The following HNRNPA3 variants were observed in gnomAD, a reference collection of about 807,000 sequenced individuals.
HNRNPA3 encodes the protein heterogeneous nuclear ribonucleoprotein A3, also known as epididymis secretory sperm binding protein.
Under a neutral mutation model 45.8 loss-of-function variants are expected in HNRNPA3, and 3 were observed. The ratio of observed to expected loss-of-function variants is 0.07; its 90% CI spans 0.03 to 0.17. The LOEUF (loss-of-function observed/expected upper bound fraction) is 0.17, where lower values mean the gene tolerates loss of function less well. Among genes scored for constraint, HNRNPA3 ranks in the 10% least tolerant of loss-of-function variants. The pLI is 1.00. For missense variants in HNRNPA3, 183 were observed against 480.3 expected (o/e 0.38, Z 5.79); for synonymous variants, 170 against 155.6 (o/e 1.09, Z -0.69).
At chr2:177,218,527 A>G (rs1242987687) in intron 8 of HNRNPA3, among the ~76,000 whole-genome samples, 1 of 152,210 alleles carries the variant, frequency 6.6e-6, no homozygotes, top group Non-Finnish European at 1.5e-5. Context: ...AATACTCCAG[A>G]CGTGTTGAAG....
rs1688893707 is a variant in HNRNPA3 at position 177,215,467 on chromosome 2, C to T, written c.73-72C>T. On this transcript the variant is annotated intron_variant, in intron 1 of 10. Coordinates refer to ENST00000392524, the Ensembl canonical transcript of HNRNPA3. The stretch of plus-strand genomic sequence containing the variant: ...GATGTTGATTTTATTACTTACCGTA[C>T]ATTAAAGGCTCTTCGTGCATCTTAA... The T allele has an allele frequency of 7.7e-6, 11 of 1,429,974 alleles. No individual in the cohort carries two copies. In the South Asian group the frequency reaches 9.4e-5, roughly 12 times the overall value. The allele number at this position is 1,429,974 out of a possible 1,614,324, so 88.6% of individuals were successfully genotyped here. A position where few individuals can be genotyped will look rare whatever the true frequency, so the allele number is the denominator to read the frequency against.
intron 1 of HNRNPA3, among the ~76,000 whole-genome samples, chr2:177,214,230 T>C (rs561587315): frequency 5.9e-5 from 9 of 152,276 alleles, no homozygotes; most frequent in South Asian, 2.1e-4. Context: ...TCCGTTCTTA[T>C]AGTCAGACAA....
In HNRNPA3 at chr2:177,216,028, T is replaced by C. The variant is rs750150123; in HGVS notation, c.393T>C (p.Gly131=). The C allele has an allele frequency of 1.9e-6, 3 of 1,594,178 alleles. No homozygotes were observed. The East Asian group carries it at 6.7e-5, about 36-fold the overall frequency. ...TAACAGTGAAGAAAATTTTTGTTGG[T>C]GGTATTAAAGAAGATACAGAAGAAT... Residue 131 remains glycine, a synonymous_variant, in exon 4 of 11, where the codon GGT becomes GGC. Coordinates refer to ENST00000392524, the Ensembl canonical transcript of HNRNPA3.
chr2:177,218,052 C>CTTTTTTTTTTTT lies in HNRNPA3; in HGVS notation c.961+223_961+234dup, dbSNP rs58476089. ...ACAAATGTACTCAGCTCTCTTTTTT[C>CTTTTTTTTTTTT]TTTTTTTTTTTTTTTTTTTTTTTTT... On this transcript the variant is annotated intron_variant, in intron 8 of 10. Transcript: ENST00000392524. 7.5e-4 allele frequency among the ~76,000 whole-genome samples: 77 copies of CTTTTTTTTTTTT among 102,178 alleles called. 6 individuals are homozygous for CTTTTTTTTTTTT. Among genetic ancestry groups the CTTTTTTTTTTTT allele is most frequent in the African/African-American group, 1.8e-3 (44 of 25,050 alleles). The allele number at this position is 102,178 out of a possible 152,430, so 67.0% of individuals were successfully genotyped here.
Position 177,216,612 on chromosome 2 carries a change from T to TCACAGAGAGGTGA in HNRNPA3, c.643+20_643+21insCACAGAGAGGTGA. 6.2e-7 allele frequency: 1 copy of TCACAGAGAGGTGA among 1,611,620 alleles called. No homozygotes were observed. Among genetic ancestry groups the TCACAGAGAGGTGA allele is most frequent in the Non-Finnish European group, 8.5e-7 (1 of 1,177,724 alleles). ...AGAGAGGTGAGTAGGACCATACACA[T>TCACAGAGAGGTGA]GTATACAGTGGATATGAGTGGTGTT... On this transcript the variant is annotated intron_variant, in intron 5 of 10. Coordinates refer to ENST00000392524, the Ensembl canonical transcript of HNRNPA3.
At chr2:177,221,588 C>T (rs929635445), downstream of HNRNPA3, 2 of 152,612 alleles carry the variant, frequency 1.3e-5, no homozygotes, top group African/African-American at 4.8e-5. Flanking sequence ...ATTAGCTTAG[C>T]TCTTGTGAAC....
At chr2:177,213,906 T>C (rs1270696980) in intron 1 of HNRNPA3, among the ~76,000 whole-genome samples, 1 of 152,272 alleles carries the variant, frequency 6.6e-6, no homozygotes, top group East Asian at 1.9e-4. Flanking sequence ...GATTTCGTTA[T>C]TGTCAATCGA....
chr2:177,216,279 G>C, intron 4 of HNRNPA3, 91 bp downstream of exon 4: 2 of 876,072 alleles, frequency 2.3e-6, no homozygotes, highest in Non-Finnish European at 1.8e-6. Context: ...TTTCTGTTGC[G>C]TGTAATGGCA....
At chr2:177,215,431 C>T in intron 1 of HNRNPA3, 108 bp from the exon 2 acceptor site, 1 of 1,151,408 alleles carries the variant, frequency 8.7e-7, no homozygotes, top group Non-Finnish European at 1.3e-6. Flanking sequence ...TGTTAACTGT[C>T]ACAGGAATTT....
intron 2 of HNRNPA3, 23 bp from the exon 3 acceptor site, chr2:177,215,727 T>G: frequency 6.4e-7 from 1 of 1,574,058 alleles, no homozygotes; most frequent in Non-Finnish European, 8.6e-7. Context: ...GTTTTCAACG[T>G]TATAAAACTT....
intron 4 of HNRNPA3, 55 bp downstream of exon 4, chr2:177,216,243 T>G: frequency 3.3e-6 from 4 of 1,229,822 alleles, no homozygotes; most frequent in Non-Finnish European, 4.6e-6. Context: ...TTTTTCTGTT[T>G]TGAACTAAAT....
At chr2:177,216,796 A>C (rs1411691023) in intron 6 of HNRNPA3, 25 bp downstream of exon 6, 7 of 1,613,850 alleles carry the variant, frequency 4.3e-6, no homozygotes, top group Non-Finnish European at 5.9e-6. Flanking sequence ...TTCTAAGTAC[A>C]TGGATACCTG....
At chr2:177,213,725 A>G (rs1267223598) in intron 1 of HNRNPA3, among the ~76,000 whole-genome samples, 1 of 152,230 alleles carries the variant, frequency 6.6e-6, no homozygotes, top group Non-Finnish European at 1.5e-5. Context: ...GAAGAATTTG[A>G]GTATAGTATG....
intron 1 of HNRNPA3, among the ~76,000 whole-genome samples, chr2:177,213,240 G>A (rs569925908): frequency 1.3e-5 from 2 of 152,348 alleles, no homozygotes; most frequent in South Asian, 4.1e-4. Flanking sequence ...ATCCGGGCGA[G>A]CGAGCAAGCG....
intron 7 of HNRNPA3, among the ~76,000 whole-genome samples, chr2:177,217,242 A>G (rs1037566842): frequency 3.0e-4 from 45 of 152,152 alleles, no homozygotes; most frequent in African/African-American, 1.1e-3. Flanking sequence ...GATGGGTTAC[A>G]CATTTATTTT....
intron 8 of HNRNPA3, among the ~76,000 whole-genome samples, chr2:177,218,825 T>C (rs1416987596): frequency 6.6e-6 from 1 of 152,192 alleles, no homozygotes; most frequent in African/African-American, 2.4e-5. Flanking sequence ...GTGTTAATGG[T>C]AGAGAGAACA....
At chr2:177,223,610 T>C (rs1221762503), downstream of HNRNPA3, 1 of 152,240 alleles carries the variant, frequency 6.6e-6, no homozygotes, top group Non-Finnish European at 1.5e-5. Context: ...TAATCACAAA[T>C]TGAAACCTGA....
chr2:177,221,066 C>T (rs1689170179), downstream of HNRNPA3: 1 of 152,642 alleles, frequency 6.6e-6, no homozygotes, highest in South Asian at 2.1e-4. Flanking sequence ...TATTTGGATG[C>T]ATGCAATGCC....
Position 177,216,612 on chromosome 2 carries a change from T to C in HNRNPA3, c.643+20T>C, listed in dbSNP as rs369732859. 6 of 1,611,502 alleles carry C rather than the reference T, an allele frequency of 3.7e-6. No individual in the cohort carries two copies. The highest frequency in any genetic ancestry group is 5.1e-6 in the Non-Finnish European group (6 of 1,177,732). On this transcript the variant is annotated intron_variant, in intron 5 of 10. Transcript: ENST00000392524. Reference sequence around the variant, plus strand: ...AGAGAGGTGAGTAGGACCATACACATGTATACAGTGGATATGAGTGGTGTT... The same window carrying C: ...AGAGAGGTGAGTAGGACCATACACACGTATACAGTGGATATGAGTGGTGTT...
Sources: gnomAD v4.1 joint callset for allele counts (sites outside exome capture counted in the v4.1 genomes callset) on GRCh38, gnomAD v4.1.1 for gene constraint, MANE v1.5 for transcripts, NCBI Gene and HGNC (gene_info 2026-07-23, HGNC 2026-07-21) for gene names.